The following MYH15 variants were observed in gnomAD, a reference collection of about 807,000 sequenced individuals.
MYH15 encodes myosin heavy chain 15.
MYH15 carries 227 observed loss-of-function variants against 240.5 expected under a neutral mutation model. The observed-to-expected ratio is 0.94, with a 90% CI of 0.85 to 1.05. The LOEUF (loss-of-function observed/expected upper bound fraction) is 1.05, where lower values mean the gene tolerates loss of function less well. Ranked by LOEUF, MYH15 falls within the 50% of genes least tolerant of loss-of-function variation. The pLI is 0.00. For synonymous variants in MYH15, 785 were observed against 796.7 expected (o/e 0.99, Z 0.25); for missense variants, 2,217 against 2,247.5 (o/e 0.99, Z 0.27).
intron 27 of MYH15, 48 bp downstream of exon 27, chr3:108,428,444 C>A (rs1422382384): frequency 1.3e-6 from 2 of 1,548,670 alleles, no homozygotes; most frequent in Non-Finnish European, 1.7e-6. Context: ...TCTTCCCCTC[C>A]CTACTTCCAT....
intron 40 of MYH15, 103 bp from the exon 41 acceptor site, chr3:108,381,662 C>T: frequency 2.4e-6 from 3 of 1,253,874 alleles, no homozygotes; most frequent in South Asian, 1.2e-5. Flanking sequence ...GTAAGCAGGC[C>T]TTAGCCAACT....
Position 108,410,822 on chromosome 3 carries a change from T to A in MYH15, c.4256A>T (p.Asp1419Val). ...GACCTTCCCGAGGTCAGACAGGGCG[T>A]CCCCGAGCTCCAGCTGCAGCTGGTG... ...ARHQLQLELG[D>V]ALSDLGKVRS... Residue 1419 changes from aspartate to valine, a missense_variant, in exon 31 of 41, where the codon GAC becomes GTC. By Grantham distance (152) the Asp-to-Val change is radical (BLOSUM62 -3). Coordinates refer to ENST00000693548, the MANE Select transcript of MYH15 (RefSeq NM_014981.3). The A allele has an allele frequency of 1.2e-6, 2 of 1,613,964 alleles. No homozygotes were observed. The highest frequency in any genetic ancestry group is 2.2e-5 in the South Asian group (2 of 91,078).
intron 14 of MYH15, among the ~76,000 whole-genome samples, chr3:108,466,210 T>C (rs1044056633): frequency 1.3e-5 from 2 of 152,202 alleles, no homozygotes; most frequent in Non-Finnish European, 2.9e-5. Context: ...TGAGAAGTCA[T>C]TAAAAATAAG....
At chr3:108,428,405 C>T in intron 27 of MYH15, 87 bp downstream of exon 27, 2 of 1,450,082 alleles carry the variant, frequency 1.4e-6, no homozygotes, top group Non-Finnish European at 9.3e-7. Context: ...ACTAAGCTGG[C>T]TTATTTTTCT....
intron 32 of MYH15, 57 bp from the exon 33 acceptor site, chr3:108,405,510 T>G: frequency 8.7e-7 from 1 of 1,155,016 alleles, no homozygotes; most frequent in Non-Finnish European, 1.2e-6. Context: ...AAAATTGTAT[T>G]TTTTACCCAA....
chr3:108,478,194 A>G (rs1473313637), intron 11 of MYH15, among the ~76,000 whole-genome samples: 2 of 152,208 alleles, frequency 1.3e-5, no homozygotes, highest in African/African-American at 4.8e-5. Flanking sequence ...TGTATTAGCA[A>G]TATCAATTTC....
upstream of MYH15, among the ~76,000 whole-genome samples, chr3:108,513,811 A>T (rs1254085529): frequency 6.6e-6 from 1 of 152,196 alleles, no homozygotes; most frequent in East Asian, 1.9e-4. Context: ...CACATAGACA[A>T]CGTCATCACT....
intron 35 of MYH15, among the ~76,000 whole-genome samples, chr3:108,398,133 T>C (rs2082475536): frequency 6.6e-6 from 1 of 151,978 alleles, no homozygotes; most frequent in African/African-American, 2.4e-5. Flanking sequence ...GCCATTAGGG[T>C]GGACCTTAAT....
chr3:108,501,119 G>A (rs77924238), intron 3 of MYH15, among the ~76,000 whole-genome samples: 612 of 152,310 alleles, frequency 4.0e-3, no homozygotes, highest in African/African-American at 0.014. Flanking sequence ...CAGTTACATG[G>A]TAAATCAGAA....
chr3:108,464,571 A>G, intron 15 of MYH15, 67 bp downstream of exon 15: 1 of 1,409,362 alleles, frequency 7.1e-7, no homozygotes, highest in African/African-American at 1.4e-5. Context: ...TCATCTAAGG[A>G]CTTTGGCTGA....
the MYH15 span, among the ~76,000 whole-genome samples, chr3:108,536,154 A>G: frequency 6.6e-6 from 1 of 152,158 alleles, no homozygotes; most frequent in African/African-American, 2.4e-5. Flanking sequence ...CATCCCAGCT[A>G]TTTGTGAGGC....
At chr3:108,518,712 C>G (rs1186366132) in intron 1 of MYH15, among the ~76,000 whole-genome samples, 4 of 152,124 alleles carry the variant, frequency 2.6e-5, no homozygotes, top group Admixed American at 2.6e-4. Flanking sequence ...TGACCCCTGC[C>G]GGGAACATTC....
chr3:108,432,607 C>T (rs115573414), intron 25 of MYH15, among the ~76,000 whole-genome samples: 12,473 of 152,142 alleles, frequency 0.082, 1,385 homozygotes, highest in East Asian at 0.57. Flanking sequence ...AAATTGGTTT[C>T]GTGGGCTGGG....
At chr3:108,422,746 T>G (rs2107556185) in intron 27 of MYH15, among the ~76,000 whole-genome samples, 2 of 152,208 alleles carry the variant, frequency 1.3e-5, no homozygotes, top group South Asian at 4.2e-4. Context: ...GAGAAAACAG[T>G]GAGGTCTGGT....
intron 27 of MYH15, among the ~76,000 whole-genome samples, chr3:108,427,999 A>C (rs1052199057): frequency 2.6e-5 from 4 of 152,248 alleles, no homozygotes; most frequent in Admixed American, 6.5e-5. Flanking sequence ...CAGTAAAGAA[A>C]GAACATGTGA....
Position 108,499,988 on chromosome 3 carries a change from A to G in MYH15, c.496+130T>C, listed in dbSNP as rs184129140. 1.0e-5 allele frequency: 11 copies of G among 1,077,544 alleles called. No individual in the cohort carries two copies. In the East Asian group the frequency reaches 2.9e-4, roughly 28 times the overall value. 66.7% of individuals were successfully genotyped at this position (1,077,544 alleles called of 1,614,324 possible). The stretch of plus-strand genomic sequence containing the variant: ...TCACCCACATTTTATCCAGAAGGAA[A>G]CAGAGGCTTCAAGTGATTAGCTAAC... On this transcript the variant is annotated intron_variant, in intron 4 of 40. Transcript: ENST00000693548.
At chr3:108,529,857 C>A (rs966057017), upstream of MYH15, among the ~76,000 whole-genome samples, 4 of 152,146 alleles carry the variant, frequency 2.6e-5, no homozygotes, top group African/African-American at 9.7e-5. Context: ...GGAGATGAAG[C>A]TAGCAGTCTG....
chr3:108,418,832 C>T (rs2082657711), intron 28 of MYH15, among the ~76,000 whole-genome samples: 1 of 152,118 alleles, frequency 6.6e-6, no homozygotes, highest in Non-Finnish European at 1.5e-5. Flanking sequence ...TTAGCTGCAA[C>T]CTCCGCCTCC....
rs1419310102 is a variant in MYH15, at chr3:108,445,651, CAA to C, written c.2400-758_2400-757del. Reference sequence around the variant, plus strand: ...GGCCCCCTGAAGAGGGCTTACAATCCAAAGTTACAAACCACATATAGGAAAAT... The same window carrying C: ...GGCCCCCTGAAGAGGGCTTACAATCCAGTTACAAACCACATATAGGAAAAT... On this transcript the variant is annotated intron_variant, in intron 21 of 40. Transcript: ENST00000693548. 3.3e-5 allele frequency among the ~76,000 whole-genome samples: 5 copies of C among 151,938 alleles called. No homozygotes were observed. In the East Asian group the frequency reaches 7.7e-4, roughly 23 times the overall value.
Sources: allele counts gnomAD v4.1 joint callset (sites outside exome capture counted in the v4.1 genomes callset), GRCh38; gene constraint gnomAD v4.1.1; transcripts MANE v1.5; gene names NCBI Gene and HGNC (gene_info 2026-07-23, HGNC 2026-07-21).